Variants in SEC23IP observed in about 807,000 individuals in gnomAD.
The protein encoded by SEC23IP is SEC23-interacting protein.
In SEC23IP, 70 loss-of-function variants were observed where a neutral mutation model predicts 113.4. That is an observed-to-expected ratio of 0.62 (90% CI 0.51 to 0.75). The LOEUF (loss-of-function observed/expected upper bound fraction) is 0.75. Among genes scored for constraint, SEC23IP ranks in the 30% least tolerant of loss-of-function variants. The probability of loss-of-function intolerance (pLI) is 0.00; values close to 1 mark genes in which losing one functional copy is unlikely to be tolerated. For synonymous variants in SEC23IP, 398 were observed against 421.0 expected, an observed-to-expected ratio of 0.95 and a Z score of 0.67; for missense variants, 1,160 against 1,204.9, an observed-to-expected ratio of 0.96 and a Z score of 0.55.
At chr10:119,935,982 A>G (rs1855765693) in intron 18 of SEC23IP, among the ~76,000 whole-genome samples, 1 of 152,228 alleles carries the variant, frequency 6.6e-6, no homozygotes, top group Non-Finnish European at 1.5e-5. Context: ...TAATCTGTTT[A>G]AGCAGTCCCT....
intron 1 of SEC23IP, among the ~76,000 whole-genome samples, chr10:119,895,904 A>AG (rs1454711833): frequency 6.6e-6 from 1 of 152,178 alleles, no homozygotes; most frequent in Non-Finnish European, 1.5e-5. Flanking sequence ...TGGGCCACAT[A>AG]TGCCATACTC....
chr10:119,898,404 C>T (rs1243580986), intron 1 of SEC23IP, 23 bp from the exon 2 acceptor site: 1 of 1,591,754 alleles, frequency 6.3e-7, no homozygotes, highest in African/African-American at 1.3e-5. Context: ...CTTTAAACCA[C>T]ATGCTCTCCT....
Position 119,915,848 on chromosome 10 carries a change from T to C in SEC23IP, c.1503T>C (p.His501=). ...KVSRVEFLPV[H]WHSSLGGDAT... ...GCAGAGTGGAGTTCCTTCCAGTTCA[T>C]TGGCATAGTTCTTTGGGTGGGGACG... Residue 501 remains histidine, a synonymous_variant, in exon 8 of 19, where the codon CAT becomes CAC. Coordinates refer to ENST00000369075, the MANE Select transcript of SEC23IP (RefSeq NM_007190.4). The C allele has an allele frequency of 6.3e-7, 1 of 1,596,286 alleles. No individual in the cohort carries two copies. The highest frequency in any genetic ancestry group is 2.2e-5 in the East Asian group (1 of 44,492).
chr10:119,911,394 A>G (rs1438716595), intron 5 of SEC23IP, among the ~76,000 whole-genome samples: 2 of 151,502 alleles, frequency 1.3e-5, no homozygotes, highest in African/African-American at 2.4e-5. Flanking sequence ...TCAAAGTGTT[A>G]GGATTACAGG....
intron 1 of SEC23IP, among the ~76,000 whole-genome samples, chr10:119,896,721 G>A (rs759323738): frequency 6.6e-6 from 1 of 151,962 alleles, no homozygotes; most frequent in Non-Finnish European, 1.5e-5. Flanking sequence ...CAGAAAAAAA[G>A]TTTCTCGGAC....
chr10:119,934,070 A>G (rs999158917), intron 18 of SEC23IP, among the ~76,000 whole-genome samples: 1 of 152,242 alleles, frequency 6.6e-6, no homozygotes, highest in African/African-American at 2.4e-5. Flanking sequence ...CTTTGGTTGC[A>G]GGTTCACAGA....
chr10:119,919,502 A>G lies in SEC23IP; in HGVS notation c.1931A>G (p.Lys644Arg). 3 of 1,613,604 alleles carry G rather than the reference A, an allele frequency of 1.9e-6. No individual in the cohort carries two copies. Among genetic ancestry groups the G allele is most frequent in the Non-Finnish European group, 2.5e-6 (3 of 1,179,778 alleles). ...DESYDLVVEN[K>R]EVLTLQETLE... ...TCGTATGACCTTGTTGTTGAAAATA[A>G]AGAAGTCCTAACTTTGCAAGAAACT... is the stretch of plus-strand genomic sequence containing the variant. The change falls in exon 11 of 19, where the codon AAA (lysine) becomes AGA (arginine). Residue 644 changes from lysine (K) to arginine (R), a missense_variant. Physicochemically the swap from Lys to Arg is conservative, Grantham distance 26 (BLOSUM62 2). Coordinates refer to ENST00000369075, the MANE Select transcript of SEC23IP (RefSeq NM_007190.4).
At chr10:119,932,092 C>A (rs191676794) in intron 15 of SEC23IP, 41 bp from the exon 16 acceptor site, 1 of 1,321,252 alleles carries the variant, frequency 7.6e-7, no homozygotes, top group Non-Finnish European at 1.1e-6. Context: ...GAAGTTTACC[C>A]AGTGACTAAT....
intron 5 of SEC23IP, among the ~76,000 whole-genome samples, chr10:119,911,335 A>G (rs1854855413): frequency 6.6e-6 from 1 of 151,386 alleles, no homozygotes; most frequent in Non-Finnish European, 1.5e-5. Flanking sequence ...TTTGTTGCCC[A>G]GGCTGCTCTG....
intron 18 of SEC23IP, among the ~76,000 whole-genome samples, chr10:119,936,199 A>G (rs1306873132): frequency 6.6e-6 from 1 of 152,132 alleles, no homozygotes; most frequent in Non-Finnish European, 1.5e-5. Context: ...ACTTTTTGCC[A>G]ATCTCTGTTT....
At chr10:119,935,831 G>A (rs1855761467) in intron 18 of SEC23IP, among the ~76,000 whole-genome samples, 2 of 152,190 alleles carry the variant, frequency 1.3e-5, no homozygotes, top group Admixed American at 6.5e-5. Context: ...CCCCCTTCAC[G>A]GGTAAAGTAA....
At chr10:119,895,668 A>G (rs998403280) in intron 1 of SEC23IP, among the ~76,000 whole-genome samples, 3 of 152,170 alleles carry the variant, frequency 2.0e-5, no homozygotes, top group Non-Finnish European at 4.4e-5. Flanking sequence ...TGAGTGTTGA[A>G]GGATACATAG....
intron 3 of SEC23IP, among the ~76,000 whole-genome samples, chr10:119,903,349 G>A (rs1854559724): frequency 6.6e-6 from 1 of 152,126 alleles, no homozygotes; most frequent in Non-Finnish European, 1.5e-5. Context: ...TCCTGGAGAT[G>A]CTCTGTGAAA....
At chr10:119,926,467 T>A (rs1290200531) in intron 13 of SEC23IP, among the ~76,000 whole-genome samples, 3 of 152,226 alleles carry the variant, frequency 2.0e-5, no homozygotes, top group African/African-American at 4.8e-5. Context: ...TTCCCACCGC[T>A]CATACTTTTA....
chr10:119,933,730 G>C lies in SEC23IP; in HGVS notation c.2966G>C (p.Arg989Pro). 1 of 1,597,232 alleles carries C rather than the reference G, an allele frequency of 6.3e-7. No individual in the cohort carries two copies. The highest frequency in any genetic ancestry group is 8.6e-7 in the Non-Finnish European group (1 of 1,165,082). The change falls in exon 18 of 19, where the codon CGA becomes CCA. Residue 989 changes from arginine to proline, a missense_variant. Transcript: ENST00000369075. ...TALLLLKEIYRTMNISPEQPQ... is the reference protein window; with the variant it reads ...TALLLLKEIYPTMNISPEQPQ... ...CTGTTACTACTTAAAGAAATTTATC[G>C]AACAATGAACATTAGTCCAGAACAG...
chr10:119,930,163 A>G (rs918590801), intron 14 of SEC23IP, among the ~76,000 whole-genome samples, 166 bp from the exon 15 acceptor site: 1 of 152,182 alleles, frequency 6.6e-6, no homozygotes, highest in Non-Finnish European at 1.5e-5. Flanking sequence ...AATCTTACAC[A>G]CAAACTAGAA....
At chr10:119,918,859 A>G (rs1444299844) in intron 10 of SEC23IP, among the ~76,000 whole-genome samples, 1 of 152,190 alleles carries the variant, frequency 6.6e-6, no homozygotes, top group Admixed American at 6.5e-5. Flanking sequence ...CATATAGCTC[A>G]TTATTTGAGT....
At chr10:119,897,465 A>G (rs1354245088) in intron 1 of SEC23IP, among the ~76,000 whole-genome samples, 1 of 152,174 alleles carries the variant, frequency 6.6e-6, no homozygotes, top group Non-Finnish European at 1.5e-5. Flanking sequence ...TTCTGTAATG[A>G]TAAGTCTGTG....
In SEC23IP at chr10:119,944,442, A is replaced by C. The variant is rs1329041333; in HGVS notation, c.*3877A>C. ...TACCTTGATAGCAGTGTGAAAATGGACTAATACAGTCAGGGACCTAAAAGA... is the reference window on the plus strand; with the variant it reads ...TACCTTGATAGCAGTGTGAAAATGGCCTAATACAGTCAGGGACCTAAAAGA... On this transcript the variant is annotated 3_prime_UTR_variant, in exon 19 of 19. Transcript: ENST00000369075. 6.6e-6 allele frequency: 1 copy of C among 152,420 alleles called. No individual in the cohort carries two copies. The allele number at this position is 152,420 out of a possible 1,614,324, so 9.4% of individuals were successfully genotyped here. A position where few individuals can be genotyped will look rare whatever the true frequency, so the allele number is the denominator to read the frequency against.
Sources: allele counts gnomAD v4.1 joint callset (sites outside exome capture counted in the v4.1 genomes callset), GRCh38; gene constraint gnomAD v4.1.1; transcripts MANE v1.5; gene names NCBI Gene and HGNC (gene_info 2026-07-23, HGNC 2026-07-21).